EML5: variants seen among roughly 807,000 people sequenced by gnomAD.
The protein encoded by EML5 is echinoderm microtubule-associated protein-like 5.
In EML5, 120 loss-of-function variants were observed where a neutral mutation model predicts 250.0. The ratio of observed to expected loss-of-function variants is 0.48; its 90% CI spans 0.41 to 0.56. The LOEUF is 0.56. Ranked by LOEUF, EML5 falls within the 20% of genes least tolerant of loss-of-function variation. EML5 has a pLI of 0.00. For synonymous variants in EML5, 771 were observed against 806.5 expected, an observed-to-expected ratio of 0.96 and a Z score of 0.75; for missense variants, 2,006 against 2,437.6, an observed-to-expected ratio of 0.82 and a Z score of 3.73.
chr14:88,673,852 C>T (rs774252491), intron 21 of EML5, among the ~76,000 whole-genome samples: 4 of 152,098 alleles, frequency 2.6e-5, no homozygotes, highest in African/African-American at 2.4e-5. Context: ...AAACTACAAA[C>T]CACTGCTCAA....
chr14:88,730,200 T>C (rs2093733706), intron 7 of EML5, among the ~76,000 whole-genome samples: 1 of 152,228 alleles, frequency 6.6e-6, no homozygotes, highest in South Asian at 2.1e-4. Context: ...AGGTTTATTA[T>C]GCAATGACAC....
chr14:88,627,901 G>T, intron 33 of EML5, 82 bp from the exon 34 acceptor site: 1 of 1,227,900 alleles, frequency 8.1e-7, no homozygotes, highest in Non-Finnish European at 1.2e-6. Context: ...ATTCATCTGT[G>T]AAACATGGAC....
chr14:88,780,435 T>C (rs1275649751), intron 1 of EML5, among the ~76,000 whole-genome samples: 2 of 152,174 alleles, frequency 1.3e-5, no homozygotes, highest in East Asian at 3.9e-4. Context: ...AAGGACACTT[T>C]ATCAGTCAGG....
At chr14:88,659,231 T>A (rs2091982149) in intron 25 of EML5, among the ~76,000 whole-genome samples, 1 of 151,010 alleles carries the variant, frequency 6.6e-6, no homozygotes, top group East Asian at 2.0e-4. Context: ...TCCCTAGGAA[T>A]GACGACTCTC....
At chr14:88,720,302 T>C (rs1015462887) in intron 8 of EML5, among the ~76,000 whole-genome samples, 1 of 152,112 alleles carries the variant, frequency 6.6e-6, no homozygotes, top group Non-Finnish European at 1.5e-5. Context: ...CAGCAACATC[T>C]TGATACCAAA....
At position 88,681,122 on chromosome 14, in the gene EML5, T is replaced by C. The variant is rs145611523; in HGVS notation, c.3124+768A>G. 5.1e-3 allele frequency among the ~76,000 whole-genome samples: 776 copies of C among 152,202 alleles called. 6 individuals are homozygous for C. The highest frequency in any genetic ancestry group is 0.018 in the African/African-American group (748 of 41,510). On this transcript the variant is annotated intron_variant, in intron 21 of 43. Coordinates refer to ENST00000554922, the MANE Select transcript of EML5 (RefSeq NM_183387.3). Reference sequence around the variant, plus strand: ...CAAACTTGAAAACAAATAGAAGTTATAAAAATGACAATTATCAAAATTAAC... The same window carrying C: ...CAAACTTGAAAACAAATAGAAGTTACAAAAATGACAATTATCAAAATTAAC...
At chr14:88,700,202 T>C (rs1391561373) in intron 14 of EML5, among the ~76,000 whole-genome samples, 1 of 152,210 alleles carries the variant, frequency 6.6e-6, no homozygotes, top group Non-Finnish European at 1.5e-5. Flanking sequence ...TTCACATTCT[T>C]TCATTTCCAC....
intron 36 of EML5, chr14:88,623,930 T>C (rs1245502236): frequency 7.2e-5 from 11 of 152,198 alleles, no homozygotes; most frequent in Non-Finnish European, 1.0e-4. Context: ...GCTAGATGAA[T>C]TGCTTGTCTG....
intron 28 of EML5, among the ~76,000 whole-genome samples, chr14:88,647,421 G>A (rs112488102): frequency 0.044 from 6,604 of 151,796 alleles, 446 homozygotes; most frequent in African/African-American, 0.15. Flanking sequence ...ATAAGGCTGG[G>A]CACAGTGGCT....
intron 7 of EML5, among the ~76,000 whole-genome samples, chr14:88,734,657 C>T (rs2140179000): frequency 6.6e-6 from 1 of 152,206 alleles, no homozygotes; most frequent in Non-Finnish European, 1.5e-5. Context: ...CTACACATTA[C>T]ATACCATCAA....
chr14:88,736,266 T>A, intron 7 of EML5, 98 bp downstream of exon 7: 1 of 1,387,378 alleles, frequency 7.2e-7, no homozygotes, highest in Non-Finnish European at 1.0e-6. Flanking sequence ...CCCAAAGTGC[T>A]GGGATTACGG....
chr14:88,645,039 CTTTT>C (rs1443817883), intron 29 of EML5, among the ~76,000 whole-genome samples: 1 of 133,446 alleles, frequency 7.5e-6, no homozygotes, highest in Non-Finnish European at 1.8e-5. Flanking sequence ...TTCTTTCTTT[CTTTT>C]TTAGACCAAG....
chr14:88,646,881 T>C, intron 29 of EML5, 66 bp downstream of exon 29: 2 of 1,529,052 alleles, frequency 1.3e-6, no homozygotes, highest in Non-Finnish European at 8.8e-7. Context: ...ATCCCATTAA[T>C]GCTAAATATG....
chr14:88,641,143 T>C (rs558282211), intron 31 of EML5, among the ~76,000 whole-genome samples: 1 of 151,960 alleles, frequency 6.6e-6, no homozygotes, highest in Non-Finnish European at 1.5e-5. Flanking sequence ...CAAAAAGCCC[T>C]GGACCAGATG....
At chr14:88,722,058 A>C (rs1595667329) in intron 8 of EML5, among the ~76,000 whole-genome samples, 1 of 152,226 alleles carries the variant, frequency 6.6e-6, no homozygotes, top group East Asian at 1.9e-4. Flanking sequence ...TCAAAACCAC[A>C]TTGAGGTACC....
In EML5 at chr14:88,663,240, T is replaced by C. The variant is rs1873940575; in HGVS notation, c.3410-121A>G. 7.5e-6 allele frequency: 4 copies of C among 533,800 alleles called. No individual in the cohort carries two copies. The Admixed American group carries it at 1.1e-4, about 15-fold the overall frequency. 33.1% of individuals were successfully genotyped at this position (533,800 alleles called of 1,614,324 possible). ...CTTAAATATAAAAACCATTTTCTGC[T>C]GCAGTCAACTTATAGTAAGAACATT... On this transcript the variant is annotated intron_variant, in intron 23 of 43. Coordinates refer to ENST00000554922, the MANE Select transcript of EML5 (RefSeq NM_183387.3).
At chr14:88,662,347 T>TG (rs1481549682) in intron 24 of EML5, among the ~76,000 whole-genome samples, 1 of 140,686 alleles carries the variant, frequency 7.1e-6, no homozygotes, top group Non-Finnish European at 1.5e-5. Flanking sequence ...TTGTTTTTTT[T>TG]TTTTTTTTTT....
At chr14:88,721,890 G>A (rs1472248619) in intron 8 of EML5, among the ~76,000 whole-genome samples, 2 of 152,112 alleles carry the variant, frequency 1.3e-5, no homozygotes, top group African/African-American at 4.8e-5. Flanking sequence ...CTGATATCCA[G>A]AGTCAACAAG....
chr14:88,761,158 C>CTTGTCTGA (rs2094235940), intron 1 of EML5, among the ~76,000 whole-genome samples: 1 of 151,948 alleles, frequency 6.6e-6, no homozygotes, highest in African/African-American at 2.4e-5. Context: ...CTTTTTATTT[C>CTTGTCTGA]TTGTCTGATT....
Sources: gnomAD v4.1 joint callset for allele counts (sites outside exome capture counted in the v4.1 genomes callset) on GRCh38, gnomAD v4.1.1 for gene constraint, MANE v1.5 for transcripts, NCBI Gene and HGNC (gene_info 2026-07-23, HGNC 2026-07-21) for gene names.